The following GNAO1 variants were observed in gnomAD, a reference collection of about 807,000 sequenced individuals.
GNAO1 encodes G protein subunit alpha o1, also known as guanine nucleotide-binding protein G(o) subunit alpha.
For missense variants in GNAO1, 166 were observed against 478.7 expected, an observed-to-expected ratio of 0.35 and a Z score of 6.10; for synonymous variants, 164 against 180.7, an observed-to-expected ratio of 0.91 and a Z score of 0.74.
At chr16:56,329,109 A>G in intron 4 of GNAO1, 1 of 242,582 alleles carries the variant, frequency 4.1e-6, no homozygotes, top group Non-Finnish European at 7.9e-6. Flanking sequence ...TTTCAAGTGT[A>G]GCAGCTTTGT....
chr16:56,293,525 T>C (rs753610724), intron 3 of GNAO1, among the ~76,000 whole-genome samples: 1 of 152,216 alleles, frequency 6.6e-6, no homozygotes, highest in Non-Finnish European at 1.5e-5. Flanking sequence ...GTGCAGACAG[T>C]GTGCCAGCAG....
At chr16:56,192,475 C>A in intron 1 of GNAO1, 99 bp from the exon 2 acceptor site, 1 of 923,754 alleles carries the variant, frequency 1.1e-6, no homozygotes, top group Non-Finnish European at 1.8e-6. Context: ...CACCATGTGC[C>A]CAGGATCGCC....
intron 2 of GNAO1, among the ~76,000 whole-genome samples, chr16:56,224,357 C>T (rs1475031058): frequency 6.6e-6 from 1 of 152,194 alleles, no homozygotes; most frequent in African/African-American, 2.4e-5. Context: ...CTCTAGACCT[C>T]CTTAGGCTGC....
intron 2 of GNAO1, among the ~76,000 whole-genome samples, chr16:56,254,411 TATC>T (rs1384952268): frequency 6.6e-6 from 1 of 152,198 alleles, no homozygotes; most frequent in Non-Finnish European, 1.5e-5. Flanking sequence ...GTGTTCCTTT[TATC>T]ATCACAAACA....
chr16:56,266,191 G>A (rs1019295264), intron 2 of GNAO1, among the ~76,000 whole-genome samples: 6 of 152,174 alleles, frequency 3.9e-5, no homozygotes, highest in African/African-American at 9.7e-5. Flanking sequence ...TGTCTGTCCT[G>A]TTCGCCAGTC....
chr16:56,328,262 C>G (rs1243494791), intron 3 of GNAO1, among the ~76,000 whole-genome samples: 1 of 152,216 alleles, frequency 6.6e-6, no homozygotes, highest in Non-Finnish European at 1.5e-5. Context: ...AGCAGAGCTG[C>G]TGGTTGAGTT....
intron 3 of GNAO1, among the ~76,000 whole-genome samples, chr16:56,321,548 G>A (rs2143631843): frequency 6.6e-6 from 1 of 152,328 alleles, no homozygotes; most frequent in Non-Finnish European, 1.5e-5. Context: ...AGGCCAGTGA[G>A]ATGGGTTGGC....
chr16:56,304,702 G>T (rs112008577), intron 3 of GNAO1, among the ~76,000 whole-genome samples: 1 of 152,174 alleles, frequency 6.6e-6, no homozygotes, highest in Non-Finnish European at 1.5e-5. Flanking sequence ...ATATTAGTGG[G>T]TTTGAAATTT....
chr16:56,216,425 T>C (rs1013228957), intron 2 of GNAO1, among the ~76,000 whole-genome samples: 5 of 152,156 alleles, frequency 3.3e-5, no homozygotes, highest in African/African-American at 9.7e-5. Context: ...TTTTCCCTAC[T>C]CAACTCTTAG....
At chr16:56,333,643 G>A (rs552808941) in intron 4 of GNAO1, among the ~76,000 whole-genome samples, 1 of 152,348 alleles carries the variant, frequency 6.6e-6, no homozygotes, top group South Asian at 2.1e-4. Context: ...ACCCTAGCTG[G>A]CGAAGTCATC....
intron 3 of GNAO1, among the ~76,000 whole-genome samples, chr16:56,318,576 G>A (rs2037538149): frequency 6.6e-6 from 1 of 152,236 alleles, no homozygotes; most frequent in Non-Finnish European, 1.5e-5. Context: ...GGAGGACTGG[G>A]TTTGTGTGTG....
chr16:56,339,735 C>T (rs1329604564), intron 6 of GNAO1: 1 of 153,128 alleles, frequency 6.5e-6, no homozygotes, highest in Non-Finnish European at 1.5e-5. Context: ...GCTGCCACAG[C>T]TTCTCCACTA....
chr16:56,215,195 G>A (rs149226744), intron 2 of GNAO1, among the ~76,000 whole-genome samples: 44 of 152,346 alleles, frequency 2.9e-4, no homozygotes, highest in African/African-American at 9.1e-4. Flanking sequence ...TCCTCTGGAA[G>A]CTGAACCACA....
chr16:56,316,226 C>T (rs557024261), intron 3 of GNAO1, among the ~76,000 whole-genome samples: 7 of 152,262 alleles, frequency 4.6e-5, no homozygotes, highest in Admixed American at 1.3e-4. Flanking sequence ...GCCCACGCCA[C>T]ACAGAAAACG....
intron 5 of GNAO1, among the ~76,000 whole-genome samples, chr16:56,335,368 C>A (rs556581870): frequency 6.6e-6 from 1 of 152,326 alleles, no homozygotes; most frequent in East Asian, 1.9e-4. Flanking sequence ...ACAGCTAGAA[C>A]CCAGGGGCTC....
At chr16:56,218,823 C>T (rs1199698018) in intron 2 of GNAO1, among the ~76,000 whole-genome samples, 1 of 152,204 alleles carries the variant, frequency 6.6e-6, no homozygotes, top group Non-Finnish European at 1.5e-5. Flanking sequence ...TACTCACAGC[C>T]CATGCCTCAG....
Position 56,328,777 on chromosome 16 carries a change from C to T in GNAO1, c.450C>T (p.Asn150=), listed in dbSNP as rs185369495. 3.0e-5 allele frequency: 48 copies of T among 1,614,244 alleles called. 1 individual carries two copies. The highest frequency in any genetic ancestry group is 1.1e-4 in the South Asian group (10 of 91,080). Residue 150 remains asparagine (N), a synonymous_variant, in exon 4 of 9, where the codon AAC becomes AAT. Coordinates refer to ENST00000262493, the MANE Select transcript of GNAO1 (RefSeq NM_020988.3). ...CFNRSREYQL[N]DSAKYYLDSL... is the part of the protein sequence containing the mutation. The stretch of plus-strand genomic sequence containing the variant: ...ACCGGTCCCGGGAGTATCAGCTCAA[C>T]GACTCTGCCAAATAGTGAGTGTCCC...
intron 2 of GNAO1, among the ~76,000 whole-genome samples, chr16:56,273,542 T>C (rs1471932082): frequency 6.6e-6 from 1 of 152,232 alleles, no homozygotes; most frequent in Non-Finnish European, 1.5e-5. Flanking sequence ...GGTCATGCTT[T>C]TCTGCTTCTT....
At chr16:56,338,823 C>CT (rs113754105) in intron 6 of GNAO1, among the ~76,000 whole-genome samples, 18,370 of 152,294 alleles carry the variant, frequency 0.12, 1,239 homozygotes, top group African/African-American at 0.19. Flanking sequence ...GGTGCTGGGC[C>CT]TGGCACTGGG....
Sources: allele counts gnomAD v4.1 joint callset (sites outside exome capture counted in the v4.1 genomes callset), GRCh38; gene constraint gnomAD v4.1.1; transcripts MANE v1.5; gene names NCBI Gene and HGNC (gene_info 2026-07-23, HGNC 2026-07-21).